The following DAB1 variants were observed in gnomAD, a reference collection of about 807,000 sequenced individuals.
DAB1 encodes DAB adaptor protein 1.
Under a neutral mutation model 64.6 loss-of-function variants are expected in DAB1, and 15 were observed. The ratio of observed to expected loss-of-function variants is 0.23; its 90% CI spans 0.16 to 0.36. DAB1 has a LOEUF of 0.36. Among genes scored for constraint, DAB1 ranks in the 10% least tolerant of loss-of-function variants. The pLI is 1.00. For missense variants in DAB1, 596 were observed against 706.7 expected, an observed-to-expected ratio of 0.84 and a Z score of 1.78; for synonymous variants, 235 against 251.9, an observed-to-expected ratio of 0.93 and a Z score of 0.64.
At chr1:57,828,142 T>C (rs947394346) in intron 1 of DAB1, among the ~76,000 whole-genome samples, 2 of 151,972 alleles carry the variant, frequency 1.3e-5, no homozygotes, top group African/African-American at 4.8e-5. Context: ...AGACGGGGTT[T>C]CACCATGTTA....
chr1:57,010,812 CT>C lies in DAB1; in HGVS notation c.1573-23del, dbSNP rs551230518. On this transcript the variant is annotated intron_variant, in intron 13 of 14. Coordinates refer to ENST00000371236, the MANE Select transcript of DAB1 (RefSeq NM_001365792.1). Reference sequence around the variant, plus strand: ...CAGGCTAGAACACAAGAAGATAATACTTTTTTTTTTCTCTCTTTTCAAGCAT... The same window carrying C: ...CAGGCTAGAACACAAGAAGATAATACTTTTTTTTTCTCTCTTTTCAAGCAT... 1.5e-3 allele frequency: 2,073 copies of C among 1,425,550 alleles called. 6 individuals are homozygous for C. The highest frequency in any genetic ancestry group is 7.2e-3 in the South Asian group (513 of 71,712). The allele number at this position is 1,425,550 out of a possible 1,614,324, so 88.3% of individuals were successfully genotyped here. A position where few individuals can be genotyped will look rare whatever the true frequency, so the allele number is the denominator to read the frequency against.
chr1:57,997,692 G>C (rs1018782879), intron 5 of DAB1, among the ~76,000 whole-genome samples: 2 of 152,058 alleles, frequency 1.3e-5, no homozygotes, highest in East Asian at 3.9e-4. Flanking sequence ...AATAGAAGTG[G>C]GGTCTGAGGG....
intron 7 of DAB1, among the ~76,000 whole-genome samples, chr1:57,474,950 T>C (rs549775345): frequency 4.6e-5 from 7 of 152,162 alleles, no homozygotes; most frequent in African/African-American, 1.4e-4. Flanking sequence ...GTAAAGAAGA[T>C]GAAAGACTTG....
At chr1:57,821,343 G>A (rs1652110471), downstream of DAB1, among the ~76,000 whole-genome samples, 1 of 152,074 alleles carries the variant, frequency 6.6e-6, no homozygotes, top group Non-Finnish European at 1.5e-5. Flanking sequence ...CCAAATGACT[G>A]GGAAACACAG....
Position 57,145,516 on chromosome 1 carries a change from G to C in DAB1, c.68-87C>G, listed in dbSNP as rs575244979. ...CCACAATTCCAAGATCCGCTGTCTG[G>C]TTTCATCTACATTCCCGGAAAGTCA... On this transcript the variant is annotated intron_variant, in intron 2 of 14. Transcript: ENST00000371236. 129 of 1,404,628 alleles carry C rather than the reference G, an allele frequency of 9.2e-5. 1 individual carries two copies. In the South Asian group the frequency reaches 1.6e-3, roughly 17 times the overall value. The allele number at this position is 1,404,628 out of a possible 1,614,324, so 87.0% of individuals were successfully genotyped here.
chr1:57,610,972 T>C (rs1645718647), intron 7 of DAB1, among the ~76,000 whole-genome samples: 1 of 152,222 alleles, frequency 6.6e-6, no homozygotes, highest in South Asian at 2.1e-4. Context: ...TAGTTACTTC[T>C]GGATGCTTAT....
chr1:57,321,168 T>C (rs1345003411), intron 1 of DAB1, among the ~76,000 whole-genome samples: 1 of 152,136 alleles, frequency 6.6e-6, no homozygotes, highest in Non-Finnish European at 1.5e-5. Context: ...TTATACTGAC[T>C]CCAATTTCAG....
chr1:57,937,739 A>G (rs1857378), intron 5 of DAB1, among the ~76,000 whole-genome samples: 61,327 of 152,076 alleles, frequency 0.4, 13,518 homozygotes, highest in Admixed American at 0.51. Context: ...AGCTAGGTCA[A>G]CAGGCTGAAG....
rs528736199 is a variant in DAB1 at position 57,057,816 on chromosome 1, G to A, written c.723+5068C>T. 8.4e-3 allele frequency among the ~76,000 whole-genome samples: 1,282 copies of A among 151,842 alleles called. 9 individuals are homozygous for A. The highest frequency in any genetic ancestry group is 0.011 in the Non-Finnish European group (740 of 67,968). Reference sequence around the variant, plus strand: ...GTAGAGACGGGGTTTCACTGTATTAGCCAGGATGGTCTCGATCTCCTGACC... The same window carrying A: ...GTAGAGACGGGGTTTCACTGTATTAACCAGGATGGTCTCGATCTCCTGACC... On this transcript the variant is annotated intron_variant, in intron 9 of 14. Transcript: ENST00000371236.
intron 6 of DAB1, among the ~76,000 whole-genome samples, chr1:57,775,377 C>T (rs931282339): frequency 6.6e-6 from 1 of 151,386 alleles, no homozygotes; most frequent in African/African-American, 2.4e-5. Context: ...TGACTTTAGA[C>T]CCTATTTTTC....
chr1:58,384,695 C>T (rs2100550134), intron 3 of DAB1, among the ~76,000 whole-genome samples: 1 of 152,312 alleles, frequency 6.6e-6, no homozygotes, highest in Non-Finnish European at 1.5e-5. Context: ...GCCAACAGTG[C>T]AGCCTTCAGT....
intron 7 of DAB1, among the ~76,000 whole-genome samples, chr1:57,488,249 A>G (rs949882054): frequency 6.6e-6 from 1 of 152,048 alleles, no homozygotes; most frequent in Non-Finnish European, 1.5e-5. Flanking sequence ...TAAAAATACA[A>G]AAAATTAGCC....
At chr1:57,303,887 A>C (rs1673895130) in intron 1 of DAB1, among the ~76,000 whole-genome samples, 1 of 150,078 alleles carries the variant, frequency 6.7e-6, no homozygotes, top group East Asian at 2.0e-4. Context: ...CTCCAGAAAA[A>C]CTCCCCCCTG....
At chr1:57,215,019 T>C (rs1666323241) in intron 2 of DAB1, among the ~76,000 whole-genome samples, 1 of 149,866 alleles carries the variant, frequency 6.7e-6, no homozygotes, top group South Asian at 2.1e-4. Flanking sequence ...TGGAGAGAAA[T>C]GTAAGATTCC....
At chr1:57,836,096 A>T (rs551482685) in intron 1 of DAB1, among the ~76,000 whole-genome samples, 1 of 152,204 alleles carries the variant, frequency 6.6e-6, no homozygotes, top group South Asian at 2.1e-4. Context: ...AGAATGGGGG[A>T]GAAAGAGGAA....
intron 3 of DAB1, among the ~76,000 whole-genome samples, chr1:58,443,792 A>T (rs1271355253): frequency 2.6e-5 from 4 of 152,256 alleles, no homozygotes; most frequent in Non-Finnish European, 5.9e-5. Flanking sequence ...TTACTCTTCT[A>T]AACAGAAACT....
chr1:57,002,480 G>A (rs1005281646), intron 14 of DAB1, among the ~76,000 whole-genome samples: 1 of 152,216 alleles, frequency 6.6e-6, no homozygotes, highest in South Asian at 2.1e-4. Flanking sequence ...ATTGGATGCT[G>A]TCATAATGTG....
At chr1:57,599,428 C>T (rs1301573422) in intron 7 of DAB1, among the ~76,000 whole-genome samples, 1 of 139,578 alleles carries the variant, frequency 7.2e-6, no homozygotes, top group East Asian at 2.2e-4. Context: ...GGCATCCTCT[C>T]CAGAAGTGCT....
At chr1:58,060,670 C>T (rs983281416) in intron 5 of DAB1, among the ~76,000 whole-genome samples, 7 of 152,164 alleles carry the variant, frequency 4.6e-5, no homozygotes, top group African/African-American at 1.7e-4. Flanking sequence ...AAAGTCCTGG[C>T]CTGAGAACAG....
Sources: gnomAD v4.1 joint callset for allele counts (sites outside exome capture counted in the v4.1 genomes callset) on GRCh38, gnomAD v4.1.1 for gene constraint, MANE v1.5 for transcripts, NCBI Gene and HGNC (gene_info 2026-07-23, HGNC 2026-07-21) for gene names.